The following DIAPH2 variants were observed in gnomAD, a reference collection of about 807,000 sequenced individuals.
The protein encoded by DIAPH2 is diaphanous related formin 2.
Under a neutral mutation model 92.7 loss-of-function variants are expected in DIAPH2, and 35 were observed. The ratio of observed to expected loss-of-function variants is 0.38; its 90% CI spans 0.29 to 0.50. The LOEUF is 0.50. DIAPH2 is among the 20% of genes least tolerant of loss of function. The pLI is 0.94. For synonymous variants in DIAPH2, 301 were observed against 280.4 expected, an observed-to-expected ratio of 1.07 and a Z score of -0.73; for missense variants, 701 against 819.5, an observed-to-expected ratio of 0.86 and a Z score of 1.77.
intron 7 of DIAPH2, among the ~76,000 whole-genome samples, chrX:96,914,843 A>G: frequency 9.0e-6 from 1 of 111,724 alleles, no homozygotes. Context: ...GATCTTTTGA[A>G]TTATAGACAT....
chrX:97,173,677 A>G (rs12688804), intron 22 of DIAPH2, among the ~76,000 whole-genome samples: 39,060 of 110,174 alleles, frequency 0.35, 5,633 homozygotes, highest in South Asian at 0.46. Context: ...AGGCCAAGGT[A>G]GGCAAATTAC....
chrX:96,816,460 G>T (rs932513636), intron 4 of DIAPH2, among the ~76,000 whole-genome samples: 2 of 112,155 alleles, frequency 1.8e-5, no homozygotes, highest in Non-Finnish European at 3.8e-5. Context: ...GGAGAGAGAT[G>T]CATATGAAAA....
chrX:97,317,846 A>G (rs756439590), intron 23 of DIAPH2, among the ~76,000 whole-genome samples: 4 of 111,654 alleles, frequency 3.6e-5, no homozygotes, highest in Admixed American at 9.6e-5. Flanking sequence ...TTATTTTTCA[A>G]TTGACACATT....
intron 15 of DIAPH2, among the ~76,000 whole-genome samples, chrX:96,949,786 G>A (rs1259501372): frequency 1.9e-5 from 2 of 106,588 alleles, no homozygotes; most frequent in Non-Finnish European, 3.9e-5. Flanking sequence ...TGTGAAACCA[G>A]GAGGCAGAAC....
intron 25 of DIAPH2, among the ~76,000 whole-genome samples, chrX:97,410,230 C>T (rs1270228482): frequency 8.9e-6 from 1 of 112,220 alleles, no homozygotes; most frequent in Non-Finnish European, 1.9e-5. Flanking sequence ...GCAATATTTG[C>T]TGTTCTGCAG....
chrX:97,095,098 CTTTTTTTTTTTTTTTTTTTTTTT>C (rs61350837), intron 19 of DIAPH2, among the ~76,000 whole-genome samples: 13 of 22,406 alleles, frequency 5.8e-4, no homozygotes, highest in African/African-American at 7.9e-4. Context: ...GTTTCTTTTT[CTTTTTTTTTTTTTTTTTTTTTTT>C]TTTTTTTTTT....
intron 4 of DIAPH2, among the ~76,000 whole-genome samples, chrX:96,792,948 AC>A (rs1197344354): frequency 1.8e-5 from 2 of 111,607 alleles, no homozygotes; most frequent in African/African-American, 6.5e-5. Context: ...AATTAAAGTT[AC>A]TTTAAAATAG....
At chrX:97,485,005 C>G (rs762664429) in intron 26 of DIAPH2, among the ~76,000 whole-genome samples, 11 of 112,581 alleles carry the variant, frequency 9.8e-5, no homozygotes, top group African/African-American at 3.5e-4. Context: ...GCAGAACATT[C>G]TTATTAATAC....
intron 23 of DIAPH2, among the ~76,000 whole-genome samples, chrX:97,297,720 A>C (rs1268142856): frequency 9.3e-6 from 1 of 107,788 alleles, no homozygotes; most frequent in African/African-American, 3.4e-5. Flanking sequence ...CACTGGTGTG[A>C]CTTTTCCCCC....
intron 26 of DIAPH2, among the ~76,000 whole-genome samples, chrX:97,536,169 A>G (rs1255651712): frequency 8.9e-6 from 1 of 112,449 alleles, no homozygotes; most frequent in Non-Finnish European, 1.9e-5. Flanking sequence ...TTAAAAGCTT[A>G]TCAGTGCTAA....
At chrX:97,571,409 G>A (rs1020519208) in intron 26 of DIAPH2, among the ~76,000 whole-genome samples, 1 of 111,472 alleles carries the variant, frequency 9.0e-6, no homozygotes, top group Non-Finnish European at 1.9e-5. Context: ...AATATAGGGA[G>A]GATTGTCACC....
At chrX:96,934,155 G>GGTT (rs1196967007) in intron 10 of DIAPH2, among the ~76,000 whole-genome samples, 1 of 111,129 alleles carries the variant, frequency 9.0e-6, no homozygotes, top group Non-Finnish European at 1.9e-5. Flanking sequence ...AATGGTCATG[G>GGTT]GTTAACATAT....
At chrX:97,331,669 G>A (rs997015182) in intron 23 of DIAPH2, among the ~76,000 whole-genome samples, 3 of 112,163 alleles carry the variant, frequency 2.7e-5, no homozygotes, top group African/African-American at 9.7e-5. Flanking sequence ...TATGATTGAA[G>A]TATTATATTA....
At chrX:96,758,737 A>G (rs915401253) in intron 4 of DIAPH2, among the ~76,000 whole-genome samples, 1 of 111,904 alleles carries the variant, frequency 8.9e-6, no homozygotes, top group Non-Finnish European at 1.9e-5. Context: ...GATGCAAACT[A>G]AGCTGCCTCA....
chrX:97,313,222 G>A (rs1311359857), intron 23 of DIAPH2, among the ~76,000 whole-genome samples: 1 of 110,894 alleles, frequency 9.0e-6, no homozygotes, highest in Non-Finnish European at 1.9e-5. Flanking sequence ...CAGCTTTTTT[G>A]TTGCTGTATA....
intron 21 of DIAPH2, among the ~76,000 whole-genome samples, chrX:97,135,649 G>A (rs2067165515): frequency 9.0e-6 from 1 of 111,529 alleles, no homozygotes; most frequent in Non-Finnish European, 1.9e-5. Flanking sequence ...AATTCCAAGT[G>A]TGCATAAATT....
intron 22 of DIAPH2, among the ~76,000 whole-genome samples, chrX:97,207,405 G>A (rs1156888332): frequency 9.0e-6 from 1 of 111,723 alleles, no homozygotes; most frequent in Non-Finnish European, 1.9e-5. Context: ...AACAGTAATC[G>A]CAAGAATGGC....
At chrX:97,348,371 T>A in intron 24 of DIAPH2, 91 bp downstream of exon 24, 1 of 812,535 alleles carries the variant, frequency 1.2e-6, no homozygotes, top group Non-Finnish European at 1.7e-6. Context: ...CTATTGACTA[T>A]ATTGATTTCA....
intron 4 of DIAPH2, among the ~76,000 whole-genome samples, chrX:96,865,948 G>T (rs1405787846): frequency 2.7e-5 from 3 of 111,798 alleles, no homozygotes; most frequent in Non-Finnish European, 1.9e-5. Context: ...AATTCTATAA[G>T]ATATAATGAA....
Sources: gnomAD v4.1 joint callset for allele counts (sites outside exome capture counted in the v4.1 genomes callset) on GRCh38, gnomAD v4.1.1 for gene constraint, MANE v1.5 for transcripts, NCBI Gene and HGNC (gene_info 2026-07-23, HGNC 2026-07-21) for gene names.